ATP9B: variants seen among roughly 807,000 people sequenced by gnomAD.
ATP9B encodes the protein probable phospholipid-transporting ATPase IIB.
In ATP9B, 110 loss-of-function variants were observed where a neutral mutation model predicts 146.1. That is an observed-to-expected ratio of 0.75 (90% CI 0.65 to 0.88). The LOEUF (loss-of-function observed/expected upper bound fraction) is 0.88, where lower values mean the gene tolerates loss of function less well. ATP9B is among the 40% of genes least tolerant of loss of function. The probability of loss-of-function intolerance (pLI) is 0.00; values close to 1 mark genes in which losing one functional copy is unlikely to be tolerated. For missense variants in ATP9B, 1,499 were observed against 1,496.4 expected, an observed-to-expected ratio of 1.00 and a Z score of -0.03; for synonymous variants, 604 against 569.7, an observed-to-expected ratio of 1.06 and a Z score of -0.86.
chr18:79,228,381 C>T (rs943862212), intron 11 of ATP9B, among the ~76,000 whole-genome samples: 7 of 152,176 alleles, frequency 4.6e-5, no homozygotes, highest in South Asian at 2.1e-4. Flanking sequence ...CCTCAAATTC[C>T]GCTAGTACCA....
chr18:79,190,539 CACACACAT>C lies in ATP9B; in HGVS notation c.874-2642_874-2635del, dbSNP rs767792053. Among the ~76,000 whole-genome samples, 227 of 140,150 alleles carry C rather than the reference CACACACAT, an allele frequency of 1.6e-3. 3 individuals are homozygous for C. The highest frequency in any genetic ancestry group is 0.013 in the South Asian group (53 of 3,980). The allele number at this position is 140,150 out of a possible 152,430, so 91.9% of individuals were successfully genotyped here. A position where few individuals can be genotyped will look rare whatever the true frequency, so the allele number is the denominator to read the frequency against. ...ACACACACACACACACACACACACACACACACATATACATATATTTTTGGCACAGAGTT... is the reference window on the plus strand; with the variant it reads ...ACACACACACACACACACACACACACATACATATATTTTTGGCACAGAGTT... On this transcript the variant is annotated intron_variant, in intron 8 of 29. Coordinates refer to ENST00000426216, the MANE Select transcript of ATP9B (RefSeq NM_198531.5).
intron 25 of ATP9B, among the ~76,000 whole-genome samples, chr18:79,350,605 G>A (rs2096917328): frequency 6.6e-6 from 1 of 152,176 alleles, no homozygotes; most frequent in African/African-American, 2.4e-5. Context: ...TGATGGAAAT[G>A]GTGGTAGGAT....
At chr18:79,227,442 G>A (rs554015989) in intron 11 of ATP9B, among the ~76,000 whole-genome samples, 5 of 150,956 alleles carry the variant, frequency 3.3e-5, no homozygotes, top group South Asian at 2.1e-4. Context: ...TGGGTGAATC[G>A]GATGGATGGG....
At chr18:79,178,717 C>T (rs749147922) in intron 8 of ATP9B, among the ~76,000 whole-genome samples, 2 of 152,146 alleles carry the variant, frequency 1.3e-5, no homozygotes, top group Non-Finnish European at 2.9e-5. Context: ...ATAAACCTCA[C>T]CTAGTAGTCA....
chr18:79,085,366 G>A (rs2073722973), intron 1 of ATP9B: 2 of 152,182 alleles, frequency 1.3e-5, no homozygotes, highest in African/African-American at 4.8e-5. Context: ...CATAGCATAT[G>A]GTTAAGGAAG....
At chr18:79,093,518 A>T (rs1369016173) in intron 1 of ATP9B, among the ~76,000 whole-genome samples, 3 of 152,092 alleles carry the variant, frequency 2.0e-5, no homozygotes, top group Non-Finnish European at 4.4e-5. Flanking sequence ...ATGTATCTTT[A>T]TGTAGGTATC....
intron 11 of ATP9B, among the ~76,000 whole-genome samples, chr18:79,232,952 A>G (rs1467433612): frequency 6.6e-6 from 1 of 152,216 alleles, no homozygotes; most frequent in Non-Finnish European, 1.5e-5. Context: ...CAAAATGGAA[A>G]AATAAAAAGA....
At chr18:79,267,032 A>G (rs535693137) in intron 12 of ATP9B, among the ~76,000 whole-genome samples, 127 of 152,096 alleles carry the variant, frequency 8.3e-4, no homozygotes, top group Non-Finnish European at 1.4e-3. Context: ...TTATTTCCTG[A>G]ACATTTACAT....
intron 15 of ATP9B, among the ~76,000 whole-genome samples, chr18:79,313,755 C>G (rs889397337): frequency 6.6e-6 from 1 of 152,128 alleles, no homozygotes; most frequent in Non-Finnish European, 1.5e-5. Context: ...GCTAACCTTA[C>G]AGTTAAATTT....
chr18:79,267,942 A>G (rs1044398344), intron 12 of ATP9B, among the ~76,000 whole-genome samples: 1 of 152,086 alleles, frequency 6.6e-6, no homozygotes, highest in Non-Finnish European at 1.5e-5. Flanking sequence ...AAATTTGTCA[A>G]AATCTCTCAT....
Position 79,202,071 on chromosome 18 carries a change from A to G in ATP9B, c.955-4866A>G, listed in dbSNP as rs1229456399. The stretch of plus-strand genomic sequence containing the variant: ...AGACCCTGTCCTAAAATATATATAT[A>G]TACGGAATTAGAGAAAATTAATTCA... On this transcript the variant is annotated intron_variant, in intron 9 of 29. Coordinates refer to ENST00000426216, the MANE Select transcript of ATP9B (RefSeq NM_198531.5). Among the ~76,000 whole-genome samples, 7 of 152,246 alleles carry G rather than the reference A, an allele frequency of 4.6e-5. 1 individual carries two copies. The highest frequency in any genetic ancestry group is 1.9e-4 in the East Asian group (1 of 5,184).
intron 13 of ATP9B, among the ~76,000 whole-genome samples, chr18:79,300,184 C>T (rs1045073018): frequency 1.3e-5 from 2 of 152,172 alleles, no homozygotes; most frequent in South Asian, 4.1e-4. Context: ...GAGGGGGGCA[C>T]TCCATGTCTG....
At chr18:79,238,886 A>C (rs147353454) in intron 11 of ATP9B, among the ~76,000 whole-genome samples, 1 of 152,372 alleles carries the variant, frequency 6.6e-6, no homozygotes, top group Non-Finnish European at 1.5e-5. Context: ...ACGCAGACGC[A>C]CTGCTTAGAT....
At chr18:79,279,173 C>T (rs532274456) in intron 13 of ATP9B, among the ~76,000 whole-genome samples, 3 of 152,252 alleles carry the variant, frequency 2.0e-5, no homozygotes, top group Admixed American at 6.5e-5. Flanking sequence ...GCTGCTTTCC[C>T]AACGTGGAGA....
chr18:79,159,925 C>T (rs911127141), intron 7 of ATP9B, among the ~76,000 whole-genome samples: 21 of 152,190 alleles, frequency 1.4e-4, no homozygotes, highest in African/African-American at 5.1e-4. Flanking sequence ...TGATTATACA[C>T]CAGAGCCTGA....
chr18:79,272,559 C>T (rs532200304), intron 12 of ATP9B, among the ~76,000 whole-genome samples: 21 of 152,060 alleles, frequency 1.4e-4, no homozygotes, highest in Admixed American at 6.5e-5. Context: ...GAATCCTGCA[C>T]GGATACGCTT....
rs142198855 is a variant in ATP9B at position 79,103,007 on chromosome 18, A to G, written c.293+6358A>G. Among the ~76,000 whole-genome samples, 7 of 152,286 alleles carry G rather than the reference A, an allele frequency of 4.6e-5. No individual in the cohort carries two copies. The East Asian group carries it at 1.4e-3, about 29-fold the overall frequency. ...AACCTTGCTGAACTCACTGGTGCTA[A>G]GAGTGGTTTTGTAGATTCCTTGTAA... On this transcript the variant is annotated intron_variant, in intron 2 of 29. Coordinates refer to ENST00000426216, the MANE Select transcript of ATP9B (RefSeq NM_198531.5).
chr18:79,257,602 G>A (rs979607441), intron 12 of ATP9B, among the ~76,000 whole-genome samples: 6 of 152,210 alleles, frequency 3.9e-5, no homozygotes, highest in South Asian at 2.1e-4. Flanking sequence ...TGAGGCCACC[G>A]TGGAAGACCT....
At chr18:79,365,885 G>A (rs1372804054) in intron 26 of ATP9B, among the ~76,000 whole-genome samples, 6 of 151,988 alleles carry the variant, frequency 3.9e-5, no homozygotes, top group Non-Finnish European at 7.4e-5. Context: ...CTCCGTGGAC[G>A]GGGACAGCCT....
Sources: allele counts gnomAD v4.1 joint callset (sites outside exome capture counted in the v4.1 genomes callset), GRCh38; gene constraint gnomAD v4.1.1; transcripts MANE v1.5; gene names NCBI Gene and HGNC (gene_info 2026-07-23, HGNC 2026-07-21).